The following PUDP variants were observed in gnomAD, a reference collection of about 807,000 sequenced individuals.
PUDP encodes the protein pseudouridine-5'-phosphatase.
In PUDP, 8 loss-of-function variants were observed where a neutral mutation model predicts 9.4. The ratio of observed to expected loss-of-function variants is 0.85; its 90% CI spans 0.50 to 1.53. The LOEUF (loss-of-function observed/expected upper bound fraction) is 1.53, where lower values mean the gene tolerates loss of function less well. PUDP is among the 40% of genes most tolerant of loss of function. PUDP has a pLI of 0.00. For missense variants in PUDP, 188 were observed against 189.7 expected (o/e 0.99, Z 0.05); for synonymous variants, 99 against 80.7 (o/e 1.23, Z -1.22).
intron 3 of PUDP, among the ~76,000 whole-genome samples, chrX:6,884,100 A>T (rs1283103128): frequency 8.9e-6 from 1 of 112,069 alleles, no homozygotes; most frequent in Non-Finnish European, 1.9e-5. Flanking sequence ...TCAGCCTCCC[A>T]AAGTGCTGGG....
intron 1 of PUDP, among the ~76,000 whole-genome samples, chrX:7,003,410 A>G (rs1325679525): frequency 9.0e-6 from 1 of 111,180 alleles, no homozygotes; most frequent in Non-Finnish European, 1.9e-5. Context: ...GCGGTGGCCA[A>G]TGTATTGTGA....
intron 3 of PUDP, among the ~76,000 whole-genome samples, chrX:6,939,845 CAA>C (rs1263025287): frequency 3.5e-5 from 2 of 56,631 alleles, no homozygotes; most frequent in Admixed American, 4.4e-4. Context: ...GACTCTGTCT[CAA>C]AAAAAAAAAA....
chrX:6,987,167 G>C (rs1256327672), intron 1 of PUDP, among the ~76,000 whole-genome samples: 1 of 112,329 alleles, frequency 8.9e-6, no homozygotes, highest in Non-Finnish European at 1.9e-5. Context: ...GAGCAGCAGA[G>C]AGAAAGCCCA....
intron 3 of PUDP, among the ~76,000 whole-genome samples, chrX:6,831,448 T>C (rs183464517): frequency 2.0e-4 from 23 of 112,238 alleles, no homozygotes; most frequent in Non-Finnish European, 3.8e-4. Context: ...CAAAGTTAGT[T>C]TGGCTTATGT....
At chrX:6,865,292 G>T (rs2146730446) in intron 3 of PUDP, among the ~76,000 whole-genome samples, 1 of 111,720 alleles carries the variant, frequency 9.0e-6, no homozygotes, top group South Asian at 3.7e-4. Flanking sequence ...ATAAGTAGCT[G>T]ATTTTCTGTA....
intron 3 of PUDP, among the ~76,000 whole-genome samples, chrX:6,935,965 C>T (rs1177945303): frequency 6.6e-5 from 7 of 105,461 alleles, no homozygotes; most frequent in African/African-American, 2.4e-4. Context: ...AGACCAATAA[C>T]AGGATCTGAA....
intron 1 of PUDP, among the ~76,000 whole-genome samples, chrX:7,114,310 T>C (rs1332967169): frequency 9.0e-6 from 1 of 111,064 alleles, no homozygotes; most frequent in East Asian, 2.8e-4. Context: ...CCCAAACTCC[T>C]GACCTCATGA....
At chrX:7,130,612 G>A (rs187648649) in intron 1 of PUDP, among the ~76,000 whole-genome samples, 7 of 111,139 alleles carry the variant, frequency 6.3e-5, no homozygotes, top group Non-Finnish European at 1.3e-4. Flanking sequence ...CCAGGAGTTT[G>A]AGACCAGCTT....
At chrX:7,068,128 G>A (rs1419763475) in intron 3 of PUDP, among the ~76,000 whole-genome samples, 2 of 111,973 alleles carry the variant, frequency 1.8e-5, no homozygotes, top group African/African-American at 6.5e-5. Flanking sequence ...CCACACTATA[G>A]CTGGGAATGT....
intron 1 of PUDP, among the ~76,000 whole-genome samples, chrX:6,718,263 A>G (rs1422113531): frequency 8.9e-6 from 1 of 111,962 alleles, no homozygotes; most frequent in Non-Finnish European, 1.9e-5. Context: ...AAAGGAATAA[A>G]AATAATTGCA....
intron 3 of PUDP, among the ~76,000 whole-genome samples, chrX:6,757,582 T>C (rs901368245): frequency 9.0e-5 from 10 of 111,408 alleles, no homozygotes; most frequent in African/African-American, 3.3e-4. Context: ...GTGTGATAAG[T>C]GTTTTTGCAA....
At chrX:6,821,097 C>G (rs1926334570) in intron 3 of PUDP, among the ~76,000 whole-genome samples, 1 of 110,877 alleles carries the variant, frequency 9.0e-6, no homozygotes, top group African/African-American at 3.3e-5. Flanking sequence ...CCAACCCTGC[C>G]AAGGGTTGGA....
chrX:7,092,674 G>A (rs1015552231), intron 2 of PUDP, among the ~76,000 whole-genome samples: 1 of 111,822 alleles, frequency 8.9e-6, no homozygotes, highest in Non-Finnish European at 1.9e-5. Context: ...TAGAAGTGGT[G>A]CAGAAACCAC....
intron 3 of PUDP, among the ~76,000 whole-genome samples, chrX:6,841,146 G>A (rs761438989): frequency 3.9e-4 from 43 of 109,141 alleles, no homozygotes; most frequent in South Asian, 8.0e-4. Context: ...ACATGGCGGC[G>A]CACTCCTGTA....
In PUDP at chrX:6,849,438, C is replaced by T. The variant is rs1302026184; in HGVS notation, c.*247+127695G>A. ...GAGTAGAAAGACCTCTACGTGGACACTCTGGATTCTTTATGCTTGAGTGGT... is the reference window on the plus strand; with the variant it reads ...GAGTAGAAAGACCTCTACGTGGACATTCTGGATTCTTTATGCTTGAGTGGT... On this transcript the variant is annotated intron_variant and NMD_transcript_variant, in intron 3 of 3. Transcript: ENST00000655425. 2.7e-5 allele frequency among the ~76,000 whole-genome samples: 3 copies of T among 111,591 alleles called. No homozygotes were observed. In the South Asian group the frequency reaches 1.1e-3, roughly 42 times the overall value.
chrX:6,713,256 A>C (rs947326288), intron 1 of PUDP, among the ~76,000 whole-genome samples: 9 of 112,134 alleles, frequency 8.0e-5, no homozygotes, highest in African/African-American at 2.9e-4. Flanking sequence ...CACAGTGTCT[A>C]GAAACAAGAT....
Position 7,030,271 on chromosome X carries a change from G to C in PUDP, c.204+46949C>G, listed in dbSNP as rs760640287. On this transcript the variant is annotated intron_variant and NMD_transcript_variant, in intron 1 of 3. Transcript: ENST00000655425. ...TAAATGTTTGCCATCCAGATGACAA[G>C]AATAATGACAAGAGAAAACTAACAT... Among the ~76,000 whole-genome samples the C allele has an allele frequency of 2.7e-5, 3 of 110,936 alleles. No homozygotes were observed. In the South Asian group the frequency reaches 1.2e-3, roughly 44 times the overall value.
At chrX:6,720,244 ATGTG>A (rs755475547) in intron 1 of PUDP, among the ~76,000 whole-genome samples, 1,308 of 63,499 alleles carry the variant, frequency 0.021, 34 homozygotes, top group Non-Finnish European at 0.031. Flanking sequence ...GTATATATGT[ATGTG>A]TGTGTGTGTG....
chrX:6,835,270 A>G (rs949985619), intron 3 of PUDP, among the ~76,000 whole-genome samples: 4 of 110,671 alleles, frequency 3.6e-5, no homozygotes, highest in Admixed American at 1.9e-4. Context: ...TCTGATGATA[A>G]CTCAAATGAG....
Sources: allele counts gnomAD v4.1 joint callset (sites outside exome capture counted in the v4.1 genomes callset), GRCh38; gene constraint gnomAD v4.1.1; transcripts MANE v1.5; gene names NCBI Gene and HGNC (gene_info 2026-07-23, HGNC 2026-07-21).